Variants in ROCK1 observed in about 807,000 individuals in gnomAD.
ROCK1 encodes the protein Rho associated coiled-coil containing protein kinase 1, also known as rho-associated protein kinase 1.
ROCK1 carries 36 observed loss-of-function variants against 196.8 expected under a neutral mutation model. The observed-to-expected ratio is 0.18, with a 90% CI of 0.14 to 0.24. The LOEUF (loss-of-function observed/expected upper bound fraction) is 0.24, where lower values mean the gene tolerates loss of function less well. ROCK1 is among the 10% of genes least tolerant of loss of function. ROCK1 has a pLI of 1.00. For missense variants in ROCK1, 920 were observed against 1,562.0 expected (o/e 0.59, Z 6.93); for synonymous variants, 443 against 515.9 (o/e 0.86, Z 1.91).
chr18:21,081,838 C>T (rs1222660218), intron 1 of ROCK1, among the ~76,000 whole-genome samples: 1 of 152,196 alleles, frequency 6.6e-6, no homozygotes. Context: ...ACACCAATAA[C>T]TGTAACAAGT....
chr18:20,964,994 C>G (rs2035359350), intron 27 of ROCK1, among the ~76,000 whole-genome samples: 1 of 152,068 alleles, frequency 6.6e-6, no homozygotes. Context: ...CATATTTAAC[C>G]CAATACTAAG....
intron 27 of ROCK1, among the ~76,000 whole-genome samples, chr18:20,961,761 G>A (rs1485039180): frequency 4.0e-5 from 6 of 151,132 alleles, no homozygotes; most frequent in Non-Finnish European, 7.4e-5. Context: ...TGGAGGAAAT[G>A]GTGAGGTAAC....
intron 27 of ROCK1, 72 bp from the exon 28 acceptor site, chr18:20,960,278 G>T: frequency 1.1e-6 from 1 of 909,110 alleles, no homozygotes; most frequent in Non-Finnish European, 1.8e-6. Context: ...AAAGTTGTCT[G>T]ACAGCATGCA....
At chr18:21,073,797 TAA>T (rs2036407450) in intron 1 of ROCK1, among the ~76,000 whole-genome samples, 1 of 152,018 alleles carries the variant, frequency 6.6e-6, no homozygotes, top group African/African-American at 2.4e-5. Flanking sequence ...CCAACTTTGG[TAA>T]GAGAGGATAT....
At chr18:21,041,081 A>G (rs538965737) in intron 8 of ROCK1, among the ~76,000 whole-genome samples, 2 of 151,850 alleles carry the variant, frequency 1.3e-5, no homozygotes, top group East Asian at 3.9e-4. Flanking sequence ...AGATCATGCC[A>G]CTGCACTCCA....
intron 2 of ROCK1, among the ~76,000 whole-genome samples, chr18:21,056,332 T>C (rs1253561092): frequency 6.6e-6 from 1 of 152,194 alleles, no homozygotes; most frequent in Non-Finnish European, 1.5e-5. Context: ...ACTGAAGAAA[T>C]ATTCTCACCC....
intron 28 of ROCK1, 82 bp from the exon 29 acceptor site, chr18:20,960,010 T>A (rs1259350385): frequency 2.9e-6 from 3 of 1,030,502 alleles, no homozygotes; most frequent in Non-Finnish European, 4.5e-6. Context: ...TTGCCACTAA[T>A]ATCTAGATTA....
At chr18:21,009,716 C>T (rs2035800251) in intron 13 of ROCK1, among the ~76,000 whole-genome samples, 1 of 152,056 alleles carries the variant, frequency 6.6e-6, no homozygotes, top group Admixed American at 6.5e-5. Flanking sequence ...TGCCAGTTTG[C>T]TATTGACATA....
At chr18:21,049,259 C>T (rs375909182) in intron 3 of ROCK1, 30 bp from the exon 4 acceptor site, 1 of 1,486,178 alleles carries the variant, frequency 6.7e-7, no homozygotes, top group Non-Finnish European at 9.0e-7. Context: ...AAATAATGAA[C>T]CTTTTGTTAA....
intron 10 of ROCK1, among the ~76,000 whole-genome samples, chr18:21,024,571 A>G (rs2143470913): frequency 6.6e-6 from 1 of 152,334 alleles, no homozygotes; most frequent in East Asian, 1.9e-4. Context: ...TAGTTACAGT[A>G]TACTTCATAG....
chr18:20,999,091 A>C (rs1173882515), intron 16 of ROCK1, among the ~76,000 whole-genome samples: 1 of 152,222 alleles, frequency 6.6e-6, no homozygotes, highest in East Asian at 1.9e-4. Context: ...ATTCACGAGG[A>C]GCACACATGC....
intron 29 of ROCK1, 78 bp downstream of exon 29, chr18:20,959,761 TA>T: frequency 1.5e-6 from 1 of 687,518 alleles, no homozygotes; most frequent in Non-Finnish European, 2.3e-6. Context: ...ACACAAAATA[TA>T]AAATAAATTT....
At chr18:20,978,462 T>G (rs1485151438) in intron 22 of ROCK1, among the ~76,000 whole-genome samples, 1 of 152,220 alleles carries the variant, frequency 6.6e-6, no homozygotes, top group African/African-American at 2.4e-5. Flanking sequence ...TATTATAATA[T>G]GGTAGACACT....
At chr18:21,019,696 G>T (rs2035896511) in intron 12 of ROCK1, among the ~76,000 whole-genome samples, 1 of 151,784 alleles carries the variant, frequency 6.6e-6, no homozygotes, top group Non-Finnish European at 1.5e-5. Flanking sequence ...TACTCGGGAG[G>T]CTGAGGCAGG....
intron 4 of ROCK1, among the ~76,000 whole-genome samples, chr18:21,046,235 A>T (rs1201306701): frequency 2.6e-5 from 4 of 152,138 alleles, no homozygotes; most frequent in Non-Finnish European, 5.9e-5. Context: ...TAGCTGTGTG[A>T]CTAGTAATTT....
At chr18:21,006,811 A>C (rs1198792188) in intron 14 of ROCK1, 21 bp from the exon 15 acceptor site, 1 of 1,421,422 alleles carries the variant, frequency 7.0e-7, no homozygotes, top group Non-Finnish European at 9.7e-7. Flanking sequence ...AAAGAATAAT[A>C]TATAGAAATT....
chr18:20,970,330 C>G lies in ROCK1; in HGVS notation c.2820+18G>C. On this transcript the variant is annotated intron_variant, in intron 23 of 32. Transcript: ENST00000399799. ...ATTTAAATAAATTTTATATAACTTA[C>G]CTGACTATCACACTTACCCGACTAA... The G allele has an allele frequency of 6.3e-7, 1 of 1,597,956 alleles. No homozygotes were observed. The highest frequency in any genetic ancestry group is 8.6e-7 in the Non-Finnish European group (1 of 1,166,830).
At chr18:20,958,255 A>C (rs1449547703) in intron 29 of ROCK1, among the ~76,000 whole-genome samples, 1 of 152,128 alleles carries the variant, frequency 6.6e-6, no homozygotes, top group East Asian at 1.9e-4. Flanking sequence ...ATTCTCTAGA[A>C]CTTGCTTAAT....
chr18:21,085,134 T>C (rs1598557535), intron 1 of ROCK1, among the ~76,000 whole-genome samples: 1 of 151,988 alleles, frequency 6.6e-6, no homozygotes, highest in Non-Finnish European at 1.5e-5. Flanking sequence ...GGATACAGAG[T>C]TTGTTTGAGA....
Sources: gnomAD v4.1 joint callset for allele counts (sites outside exome capture counted in the v4.1 genomes callset) on GRCh38, gnomAD v4.1.1 for gene constraint, MANE v1.5 for transcripts, NCBI Gene and HGNC (gene_info 2026-07-23, HGNC 2026-07-21) for gene names.